METTL2A: variants seen among roughly 807,000 people sequenced by gnomAD.
METTL2A encodes the protein methyltransferase 2A, tRNA N3-cytidine.
A neutral mutation model predicts 49.4 loss-of-function variants in METTL2A; 45 were observed. The ratio of observed to expected loss-of-function variants is 0.91; its 90% confidence interval spans 0.72 to 1.17. The LOEUF is 1.17. Among genes scored for constraint, METTL2A ranks in the 50% most tolerant of loss-of-function variants. The pLI is 0.00. For missense variants in METTL2A, 361 were observed against 462.2 expected (o/e 0.78, Z 2.01); for synonymous variants, 118 against 167.5 (o/e 0.70, Z 2.28).
chr17:62,440,100 A>G (rs1326226161), intron 5 of METTL2A, among the ~76,000 whole-genome samples: 5 of 149,216 alleles, frequency 3.4e-5, no homozygotes, highest in African/African-American at 1.2e-4. Context: ...ATCTCGGCTC[A>G]CTGCAACCTC....
intron 6 of METTL2A, among the ~76,000 whole-genome samples, chr17:62,442,998 A>T (rs1293927943): frequency 1.3e-5 from 2 of 152,194 alleles, no homozygotes; most frequent in African/African-American, 4.8e-5. Context: ...TACTGAAGTC[A>T]TCCAACCTGA....
chr17:62,447,242 A>C lies in METTL2A; in HGVS notation c.917-459A>C, dbSNP rs553527953. ...GAGACCAGCCTGGCCAACATGGTGAAACCCTGACTCTACTAAAAATACAAA... is the reference window on the plus strand; with the variant it reads ...GAGACCAGCCTGGCCAACATGGTGACACCCTGACTCTACTAAAAATACAAA... On this transcript the variant is annotated intron_variant, in intron 7 of 8. Coordinates refer to ENST00000311506, the MANE Select transcript of METTL2A (RefSeq NM_181725.4). 5.3e-5 allele frequency among the ~76,000 whole-genome samples: 8 copies of C among 152,232 alleles called. No homozygotes were observed. In the South Asian group the frequency reaches 1.7e-3, roughly 32 times the overall value.
At chr17:62,437,410 T>TTA (rs2070708334) in intron 5 of METTL2A, among the ~76,000 whole-genome samples, 1 of 152,164 alleles carries the variant, frequency 6.6e-6, no homozygotes, top group African/African-American at 2.4e-5. Flanking sequence ...TTTTTCCCTC[T>TTA]TTGCATACCA....
chr17:62,436,623 A>C (rs180821565), intron 5 of METTL2A, among the ~76,000 whole-genome samples: 3 of 152,322 alleles, frequency 2.0e-5, no homozygotes, highest in African/African-American at 7.2e-5. Flanking sequence ...ACCTTCAGCA[A>C]GTTGTAATCT....
intron 6 of METTL2A, among the ~76,000 whole-genome samples, chr17:62,444,344 A>G (rs140159251): frequency 1.3e-5 from 2 of 152,264 alleles, no homozygotes; most frequent in East Asian, 1.9e-4. Flanking sequence ...CAGTGGTGCA[A>G]TCTTGGCTCA....
At chr17:62,431,821 A>G (rs2070667623) in intron 4 of METTL2A, among the ~76,000 whole-genome samples, 1 of 151,762 alleles carries the variant, frequency 6.6e-6, no homozygotes, top group Non-Finnish European at 1.5e-5. Flanking sequence ...CCCAGTTTCA[A>G]GCGATTCTCC....
chr17:62,448,744 C>G lies in METTL2A; in HGVS notation c.*15C>G. On this transcript the variant is annotated 3_prime_UTR_variant, in exon 9 of 9. Coordinates refer to ENST00000311506, the MANE Select transcript of METTL2A (RefSeq NM_181725.4). ...GCACCAGCTGAGAGGCACCTGCTGC[C>G]AACACGATGCAAGCCCATTGTGTTT... 1 of 1,613,122 alleles carries G rather than the reference C, an allele frequency of 6.2e-7. No homozygotes were observed. The highest frequency in any genetic ancestry group is 8.5e-7 in the Non-Finnish European group (1 of 1,179,568).
rs1227215766 is a variant in METTL2A at position 62,451,357 on chromosome 17, A to G, written c.*2628A>G. Among the ~76,000 whole-genome samples the G allele has an allele frequency of 6.6e-6, 1 of 150,880 alleles. No homozygotes were observed. Among genetic ancestry groups the G allele is most frequent in the East Asian group, 2.0e-4 (1 of 4,984 alleles). On this transcript the variant is annotated 3_prime_UTR_variant, in exon 9 of 9. Transcript: ENST00000311506. ...GAGACAGAGTTTCTCCATGTTGGTC[A>G]GGCTGATCTCGAACTCCCGACCTCA...
Position 62,450,148 on chromosome 17 carries a change from A to AC in METTL2A, c.*1422dup, listed in dbSNP as rs2070796672. ...TTTGCAAAATTATCTTTTTTAATGC[A>AC]CCCTTAAGTGTTTGACACAAAAGGA... On this transcript the variant is annotated 3_prime_UTR_variant, in exon 9 of 9. Coordinates refer to ENST00000311506, the MANE Select transcript of METTL2A (RefSeq NM_181725.4). 6.7e-6 allele frequency: 1 copy of AC among 150,046 alleles called. No homozygotes were observed. 9.3% of individuals were successfully genotyped at this position (150,046 alleles called of 1,614,324 possible).
intron 4 of METTL2A, among the ~76,000 whole-genome samples, chr17:62,429,254 G>A (rs976471748): frequency 6.6e-6 from 1 of 151,288 alleles, no homozygotes; most frequent in African/African-American, 2.5e-5. Context: ...CCCCACCCCA[G>A]GTCATCTCAT....
Position 62,426,458 on chromosome 17 carries a change from G to A in METTL2A, c.362G>A (p.Ser121Asn). 1 of 1,614,174 alleles carries A rather than the reference G, an allele frequency of 6.2e-7. No individual in the cohort carries two copies. The highest frequency in any genetic ancestry group is 8.5e-7 in the Non-Finnish European group (1 of 1,180,044). Residue 121 changes from serine to asparagine, a missense_variant, in exon 3 of 9, where the codon AGT becomes AAT. By Grantham distance (46) the Ser-to-Asn change is conservative. Coordinates refer to ENST00000311506, the MANE Select transcript of METTL2A (RefSeq NM_181725.4). ...AAGGACTGGTTCTTGGAGAACAAGA[G>A]TGAAGTACCTGAATGTAGAAACAAT... ...HLKDWFLENK[S>N]EVPECRNNED...
At chr17:62,437,133 CTT>C (rs747770697) in intron 5 of METTL2A, among the ~76,000 whole-genome samples, 3,205 of 125,452 alleles carry the variant, frequency 0.026, 96 homozygotes, top group African/African-American at 0.089. Context: ...TCAGGCTTCA[CTT>C]TTTTTTTTTT....
chr17:62,436,841 G>T (rs1338951268), intron 5 of METTL2A, among the ~76,000 whole-genome samples: 2 of 152,176 alleles, frequency 1.3e-5, no homozygotes, highest in African/African-American at 2.4e-5. Flanking sequence ...TTTGCCCACA[G>T]TAGAGCTTCT....
At chr17:62,447,201 C>CCA in intron 7 of METTL2A, among the ~76,000 whole-genome samples, 1 of 152,270 alleles carries the variant, frequency 6.6e-6, no homozygotes, top group Middle Eastern at 3.4e-3. Flanking sequence ...GGTGGATCAC[C>CCA]TGAGGTGAGG....
In METTL2A at chr17:62,441,174, C is replaced by T. The variant is rs563855556; in HGVS notation, c.809+418C>T. ...AGTTTTGTTTATGTTCTGATAGACA[C>T]AAAGAAGCCACACCATTTGTAGTGA... On this transcript the variant is annotated intron_variant, in intron 6 of 8. Transcript: ENST00000311506. Among the ~76,000 whole-genome samples, 4 of 152,304 alleles carry T rather than the reference C, an allele frequency of 2.6e-5. No individual in the cohort carries two copies. The East Asian group carries it at 7.7e-4, about 29-fold the overall frequency.
chr17:62,435,438 C>G, intron 5 of METTL2A, 146 bp downstream of exon 5: 1 of 1,200,570 alleles, frequency 8.3e-7, no homozygotes, highest in Non-Finnish European at 1.2e-6. Flanking sequence ...AACGAGCATA[C>G]CTTGTTTTAT....
rs1200206565 is a variant in METTL2A at position 62,451,940 on chromosome 17, AT to A, written c.*3212del. ...CTGGGCATGGTGGTGGGCGCCTGTA[AT>A]CCCAGCTATTTGGGAGGGTGGCTCT... On this transcript the variant is annotated 3_prime_UTR_variant, in exon 9 of 9. Transcript: ENST00000311506. 6.6e-6 allele frequency among the ~76,000 whole-genome samples: 1 copy of A among 151,390 alleles called. No homozygotes were observed. Among genetic ancestry groups the A allele is most frequent in the Non-Finnish European group, 1.5e-5 (1 of 67,904 alleles).
At chr17:62,443,498 C>G (rs1262919739) in intron 6 of METTL2A, among the ~76,000 whole-genome samples, 1 of 152,132 alleles carries the variant, frequency 6.6e-6, no homozygotes, top group Admixed American at 6.5e-5. Context: ...ACTTTTAGTC[C>G]CAGCTACCTA....
At chr17:62,434,073 G>C (rs1360402108) in intron 4 of METTL2A, among the ~76,000 whole-genome samples, 1 of 152,198 alleles carries the variant, frequency 6.6e-6, no homozygotes, top group Non-Finnish European at 1.5e-5. Flanking sequence ...GTACTCGGCA[G>C]ATGCAGCTGC....
Sources: allele counts gnomAD v4.1 joint callset (sites outside exome capture counted in the v4.1 genomes callset), GRCh38; gene constraint gnomAD v4.1.1; transcripts MANE v1.5; gene names NCBI Gene and HGNC (gene_info 2026-07-23, HGNC 2026-07-21).